Variants in EPHA5 observed in about 807,000 individuals in gnomAD.
EPHA5 encodes ephrin type-A receptor 5.
A neutral mutation model predicts 105.0 loss-of-function variants in EPHA5; 60 were observed. The ratio of observed to expected loss-of-function variants is 0.57; its 90% confidence interval spans 0.46 to 0.71. EPHA5 has a LOEUF of 0.71. EPHA5 is among the 30% of genes least tolerant of loss of function. EPHA5 has a pLI of 0.00. For missense variants in EPHA5, 1,218 were observed against 1,274.7 expected (o/e 0.96, Z 0.68); for synonymous variants, 513 against 449.1 (o/e 1.14, Z -1.80).
chr4:65,668,001 A>G (rs1302343085), intron 1 of EPHA5, among the ~76,000 whole-genome samples: 1 of 152,218 alleles, frequency 6.6e-6, no homozygotes, highest in African/African-American at 2.4e-5. Context: ...ACGACTCTCA[A>G]AAACATTTTT....
At chr4:65,543,208 G>T (rs978596005) in intron 3 of EPHA5, among the ~76,000 whole-genome samples, 1 of 152,000 alleles carries the variant, frequency 6.6e-6, no homozygotes, top group African/African-American at 2.4e-5. Context: ...CATAGTATTG[G>T]AAGTTCTGGC....
chr4:65,475,734 ATGTT>A (rs776057032), intron 5 of EPHA5, among the ~76,000 whole-genome samples: 60 of 152,174 alleles, frequency 3.9e-4, no homozygotes, highest in Non-Finnish European at 7.5e-4. Context: ...AGCCACACGA[ATGTT>A]TGATGAATTT....
At chr4:65,347,999 C>A (rs2148841006) in intron 14 of EPHA5, 55 bp downstream of exon 14, 1 of 1,470,840 alleles carries the variant, frequency 6.8e-7, no homozygotes, top group Non-Finnish European at 9.1e-7. Flanking sequence ...TGTGTCTTGA[C>A]TCAGAGAACA....
At chr4:65,468,603 TTATATATATTA>T (rs1728971674) in intron 5 of EPHA5, among the ~76,000 whole-genome samples, 8 of 122,644 alleles carry the variant, frequency 6.5e-5, no homozygotes, top group African/African-American at 2.5e-4. Flanking sequence ...AATATATATA[TTATATATATTA>T]TATATATATG....
chr4:65,574,641 C>CATATATATATAT lies in EPHA5; in HGVS notation c.910+26999_910+27000insATATATATATAT, dbSNP rs752109599. On this transcript the variant is annotated intron_variant, in intron 3 of 16. Transcript: ENST00000613740. ...ATATATATATACACATATATATATACACATATATATACACATATATATATA... is the reference window on the plus strand; with the variant it reads ...ATATATATATACACATATATATATACATATATATATATACATATATATACACATATATATATA... 3.6e-4 allele frequency among the ~76,000 whole-genome samples: 25 copies of CATATATATATAT among 69,864 alleles called. 9 individuals carry two copies. Among genetic ancestry groups the CATATATATATAT allele is most frequent in the African/African-American group, 7.8e-4 (17 of 21,778 alleles). 45.8% of individuals were successfully genotyped at this position (69,864 alleles called of 152,430 possible). A position where few individuals can be genotyped will look rare whatever the true frequency, so the allele number is the denominator to read the frequency against.
chr4:65,585,532 T>C (rs1370039845), intron 3 of EPHA5, among the ~76,000 whole-genome samples: 1 of 151,826 alleles, frequency 6.6e-6, no homozygotes, highest in East Asian at 1.9e-4. Flanking sequence ...AAACAGGATC[T>C]GTTAACTTTA....
intron 5 of EPHA5, among the ~76,000 whole-genome samples, chr4:65,450,452 C>T (rs1338218231): frequency 6.6e-6 from 1 of 152,138 alleles, no homozygotes; most frequent in South Asian, 2.1e-4. Flanking sequence ...ACACATATGT[C>T]AGCATTTCAC....
chr4:65,414,342 A>C lies in EPHA5; in HGVS notation c.1629T>G (p.Arg543=), dbSNP rs764773283. Residue 543 remains arginine, a synonymous_variant, in exon 7 of 17, where the codon CGT becomes CGG. Transcript: ENST00000613740. ...ASVYVFQIRA[R]TAAGYGVFSR... is the part of the protein sequence containing the mutation. ...TGAAGACACCATAGCCTGCTGCTGTACGTGCTCGAATTTGGAAGACATAAA... is the reference window on the plus strand; with the variant it reads ...TGAAGACACCATAGCCTGCTGCTGTCCGTGCTCGAATTTGGAAGACATAAA... 18 of 1,613,912 alleles carry C rather than the reference A, an allele frequency of 1.1e-5. No individual in the cohort carries two copies. Among genetic ancestry groups the C allele is most frequent in the Middle Eastern group, 1.6e-4 (1 of 6,082 alleles).
intron 5 of EPHA5, among the ~76,000 whole-genome samples, chr4:65,468,573 T>C (rs1469627999): frequency 1.9e-5 from 2 of 105,846 alleles, no homozygotes; most frequent in African/African-American, 7.1e-5. Flanking sequence ...ATATTATATA[T>C]ATATATGTAA....
chr4:65,621,639 A>G (rs181685034), intron 2 of EPHA5, among the ~76,000 whole-genome samples: 14 of 152,240 alleles, frequency 9.2e-5, no homozygotes, highest in African/African-American at 3.4e-4. Flanking sequence ...GAAATAACAA[A>G]CCAGGAGAAA....
intron 14 of EPHA5, among the ~76,000 whole-genome samples, chr4:65,341,358 C>G (rs2148824848): frequency 6.6e-6 from 1 of 151,996 alleles, no homozygotes; most frequent in East Asian, 1.9e-4. Flanking sequence ...TCATGAAAAC[C>G]TGTGGTCTTT....
intron 3 of EPHA5, among the ~76,000 whole-genome samples, chr4:65,587,517 A>T (rs115240394): frequency 8.5e-5 from 13 of 152,238 alleles, no homozygotes; most frequent in African/African-American, 2.9e-4. Flanking sequence ...TGGATTGAGA[A>T]CTTTAAACCC....
intron 5 of EPHA5, among the ~76,000 whole-genome samples, chr4:65,486,144 C>A (rs567202361): frequency 6.6e-6 from 1 of 152,184 alleles, no homozygotes; most frequent in East Asian, 1.9e-4. Context: ...AATAAGAAAA[C>A]CTTTGTTCAC....
At chr4:65,445,974 A>T (rs1445314882) in intron 5 of EPHA5, among the ~76,000 whole-genome samples, 1 of 152,160 alleles carries the variant, frequency 6.6e-6, no homozygotes, top group African/African-American at 2.4e-5. Context: ...CTGGGCCACC[A>T]CTATCTCTCC....
Position 65,438,218 on chromosome 4 carries a change from C to T in EPHA5, c.1403-17653G>A, listed in dbSNP as rs189957327. Among the ~76,000 whole-genome samples, 317 of 151,964 alleles carry T rather than the reference C, an allele frequency of 2.1e-3. 1 individual carries two copies. The highest frequency in any genetic ancestry group is 3.4e-3 in the Non-Finnish European group (230 of 67,868). On this transcript the variant is annotated intron_variant, in intron 5 of 16. Coordinates refer to ENST00000613740, the MANE Select transcript of EPHA5 (RefSeq NM_001281766.3). ...ACTCATTCATTTAATGACTAAAAGACCATCAAAATAATCATAACAATAACA... is the reference window on the plus strand; with the variant it reads ...ACTCATTCATTTAATGACTAAAAGATCATCAAAATAATCATAACAATAACA...
chr4:65,335,171 A>C (rs1376672982), intron 15 of EPHA5, among the ~76,000 whole-genome samples: 7 of 152,064 alleles, frequency 4.6e-5, no homozygotes, highest in African/African-American at 1.2e-4. Flanking sequence ...TCTTGTAAAA[A>C]TAGACAACTG....
intron 2 of EPHA5, among the ~76,000 whole-genome samples, chr4:65,633,779 T>C (rs1201997684): frequency 6.6e-6 from 1 of 152,038 alleles, no homozygotes; most frequent in African/African-American, 2.4e-5. Context: ...TAGGTAACAA[T>C]AACTTGTATA....
At position 65,321,178 on chromosome 4, in the gene EPHA5, C is replaced by T. The variant is rs372946430; in HGVS notation, c.*2936G>A. ...GTCCAATACTGTGAAAGACTCATGC[C>T]CCTTAAGATATTGCTACTGGCAATT... On this transcript the variant is annotated 3_prime_UTR_variant, in exon 17 of 17. Transcript: ENST00000613740. 3.4e-4 allele frequency: 78 copies of T among 230,604 alleles called. 1 individual carries two copies. The South Asian group carries it at 0.014, about 40-fold the overall frequency. 14.3% of individuals were successfully genotyped at this position (230,604 alleles called of 1,614,324 possible). A position where few individuals can be genotyped will look rare whatever the true frequency, so the allele number is the denominator to read the frequency against.
chr4:65,348,233 C>T, intron 13 of EPHA5, 30 bp from the exon 14 acceptor site: 1 of 1,594,338 alleles, frequency 6.3e-7, no homozygotes. Context: ...AAAAAACTTC[C>T]TACATACTTC....
Sources: allele counts gnomAD v4.1 joint callset (sites outside exome capture counted in the v4.1 genomes callset), GRCh38; gene constraint gnomAD v4.1.1; transcripts MANE v1.5; gene names NCBI Gene and HGNC (gene_info 2026-07-23, HGNC 2026-07-21).